Variants in ATP1A1 observed in about 807,000 individuals in gnomAD.
The protein encoded by ATP1A1 is sodium/potassium-transporting ATPase subunit alpha-1.
ATP1A1 carries 14 observed loss-of-function variants against 114.8 expected under a neutral mutation model. That is an observed-to-expected ratio of 0.12 (90% CI 0.08 to 0.19). The LOEUF (loss-of-function observed/expected upper bound fraction) is 0.19. Among genes scored for constraint, ATP1A1 ranks in the 10% least tolerant of loss-of-function variants. The pLI is 1.00. For synonymous variants in ATP1A1, 471 were observed against 466.3 expected (o/e 1.01, Z -0.13); for missense variants, 524 against 1,290.7 (o/e 0.41, Z 9.10).
chr1:116,391,870 G>T (rs1410892243), intron 10 of ATP1A1, among the ~76,000 whole-genome samples: 1 of 152,216 alleles, frequency 6.6e-6, no homozygotes, highest in Non-Finnish European at 1.5e-5. Flanking sequence ...AGCAGAAGCT[G>T]TATTCCAAGT....
At chr1:116,378,116 A>T (rs748415772) in intron 1 of ATP1A1, among the ~76,000 whole-genome samples, 1 of 152,228 alleles carries the variant, frequency 6.6e-6, no homozygotes, top group African/African-American at 2.4e-5. Flanking sequence ...TCAGGAATCC[A>T]CAAGAAGTTC....
At chr1:116,394,944 T>G (rs1456357306) in intron 12 of ATP1A1, among the ~76,000 whole-genome samples, 166 bp from the exon 13 acceptor site, 1 of 152,232 alleles carries the variant, frequency 6.6e-6, no homozygotes, top group African/African-American at 2.4e-5. Context: ...GACTCTATCG[T>G]TCATAAATGT....
chr1:116,390,735 T>A (rs747786900), intron 9 of ATP1A1, 47 bp from the exon 10 acceptor site: 8 of 1,470,066 alleles, frequency 5.4e-6, no homozygotes, highest in Non-Finnish European at 7.6e-6. Flanking sequence ...ACACAGCCTT[T>A]GAAGTTAATG....
intron 1 of ATP1A1, chr1:116,373,938 C>T (rs992587877): frequency 1.5e-6 from 2 of 1,334,954 alleles, no homozygotes; most frequent in South Asian, 3.8e-5. Flanking sequence ...CCGCCGTCAC[C>T]TCCTTCTCCT....
rs1174843902 is a variant in ATP1A1, at chr1:116,398,139, G to A, written c.2124+101G>A. On this transcript the variant is annotated intron_variant, in intron 15 of 22. Coordinates refer to ENST00000295598, the MANE Select transcript of ATP1A1 (RefSeq NM_000701.8). This position sits in a 1 kb window ranked among gnomAD's most constrained non-coding sequence, Gnocchi z 6.1. Reference sequence around the variant, plus strand: ...ACGGTGATGGATGGATGCATACCTCGCTGTATTAGACTCAGTATAAATAGG... The same window carrying A: ...ACGGTGATGGATGGATGCATACCTCACTGTATTAGACTCAGTATAAATAGG... The A allele has an allele frequency of 1.5e-5, 22 of 1,473,146 alleles. No homozygotes were observed. Among genetic ancestry groups the A allele is most frequent in the South Asian group, 2.6e-5 (2 of 77,778 alleles). 91.3% of individuals were successfully genotyped at this position (1,473,146 alleles called of 1,614,324 possible). A position where few individuals can be genotyped will look rare whatever the true frequency, so the allele number is the denominator to read the frequency against.
In ATP1A1 at chr1:116,395,564, TTG is replaced by T. The variant is rs1408778617; in HGVS notation, c.1836+280_1836+281del. Among the ~76,000 whole-genome samples, 2 of 152,250 alleles carry T rather than the reference TTG, an allele frequency of 1.3e-5. No individual in the cohort carries two copies. Among genetic ancestry groups the T allele is most frequent in the African/African-American group, 4.8e-5 (2 of 41,472 alleles). ...CAAAAGACTTGAAGTTTTAAAATACTTGCATTATTCTAAGTTAATGTACCTTA... is the reference window on the plus strand; with the variant it reads ...CAAAAGACTTGAAGTTTTAAAATACTCATTATTCTAAGTTAATGTACCTTA... On this transcript the variant is annotated intron_variant, in intron 13 of 22. Coordinates refer to ENST00000295598, the MANE Select transcript of ATP1A1 (RefSeq NM_000701.8). The surrounding 1 kb of genome is among the most constrained non-coding windows in gnomAD (Gnocchi z 6.4).
rs749933570 is a variant in ATP1A1, at chr1:116,404,451, G to A, written c.*7G>A. On this transcript the variant is annotated 3_prime_UTR_variant, in exon 23 of 23. Coordinates refer to ENST00000295598, the MANE Select transcript of ATP1A1 (RefSeq NM_000701.8). The surrounding 1 kb of genome is among the most constrained non-coding windows in gnomAD (Gnocchi z 4.8). ...GAAGGAAACCTACTATTAGCCCCCC[G>A]TCCTGCACGCCGTGGAGCATCAGGC... The A allele has an allele frequency of 7.2e-5, 116 of 1,609,184 alleles. 1 individual carries two copies. In the Middle Eastern group the frequency reaches 9.9e-4, roughly 14 times the overall value.
At chr1:116,374,739 C>T (rs552022733) in intron 1 of ATP1A1, among the ~76,000 whole-genome samples, 2 of 152,236 alleles carry the variant, frequency 1.3e-5, no homozygotes, top group East Asian at 1.9e-4. Context: ...GGAGAGAATC[C>T]ACTTCGTTGT....
intron 1 of ATP1A1, 152 bp downstream of exon 1, chr1:116,373,675 G>T: frequency 9.8e-7 from 1 of 1,019,970 alleles, no homozygotes; most frequent in Non-Finnish European, 1.3e-6. Context: ...CTTAAAAGAC[G>T]ACGCAGTTTG....
chr1:116,384,150 T>C lies in ATP1A1; in HGVS notation c.123+26T>C. Reference sequence around the variant, plus strand: ...GTAAGTACTAGGAGGAATATTGTATTCCATCCTTATTAAAAATCCATGATT... The same window carrying C: ...GTAAGTACTAGGAGGAATATTGTATCCCATCCTTATTAAAAATCCATGATT... On this transcript the variant is annotated intron_variant, in intron 2 of 22. Coordinates refer to ENST00000295598, the MANE Select transcript of ATP1A1 (RefSeq NM_000701.8). This position sits in a 1 kb window ranked among gnomAD's most constrained non-coding sequence, Gnocchi z 5.1. 6.4e-7 allele frequency: 1 copy of C among 1,573,740 alleles called. No individual in the cohort carries two copies. The highest frequency in any genetic ancestry group is 1.1e-5 in the South Asian group (1 of 89,588).
In ATP1A1 at chr1:116,393,184, G is replaced by A. The variant is rs1304979501; in HGVS notation, c.1467+196G>A. ...TAAATGAAGCCTCTTGCAAAACACT[G>A]TTGAGCCCTTTTGAATACTTGTGGT... On this transcript the variant is annotated intron_variant, in intron 11 of 22. Transcript: ENST00000295598. This position sits in a 1 kb window ranked among gnomAD's most constrained non-coding sequence, Gnocchi z 5.0. Among the ~76,000 whole-genome samples the A allele has an allele frequency of 1.3e-5, 2 of 152,144 alleles. No individual in the cohort carries two copies. The highest frequency in any genetic ancestry group is 2.9e-5 in the Non-Finnish European group (2 of 68,034).
At chr1:116,378,157 A>AT (rs2101031128) in intron 1 of ATP1A1, among the ~76,000 whole-genome samples, 1 of 152,334 alleles carries the variant, frequency 6.6e-6, no homozygotes, top group African/African-American at 2.4e-5. Flanking sequence ...CGGATAGCAG[A>AT]TTCTGTTACG....
Position 116,388,790 on chromosome 1 carries a change from A to G in ATP1A1, c.636+18A>G, listed in dbSNP as rs1265026998. 11 of 1,613,786 alleles carry G rather than the reference A, an allele frequency of 6.8e-6. No individual in the cohort carries two copies. The highest frequency in any genetic ancestry group is 7.6e-6 in the Non-Finnish European group (9 of 1,179,898). On this transcript the variant is annotated intron_variant, in intron 6 of 22. Coordinates refer to ENST00000295598, the MANE Select transcript of ATP1A1 (RefSeq NM_000701.8). The surrounding 1 kb of genome is among the most constrained non-coding windows in gnomAD (Gnocchi z 5.6). The stretch of plus-strand genomic sequence containing the variant: ...GCTGCAAGGTAGCTCTTTTATTTTA[A>G]CAAACCTCATAGCTAGCTCTGCTGT...
At chr1:116,373,936 A>ACCT (rs1483756170) in intron 1 of ATP1A1, 5 of 1,292,374 alleles carry the variant, frequency 3.9e-6, no homozygotes, top group East Asian at 3.3e-5. Context: ...GACCGCCGTC[A>ACCT]CCTCCTTCTC....
chr1:116,390,917 G>A, intron 10 of ATP1A1, 26 bp downstream of exon 10: 1 of 1,586,272 alleles, frequency 6.3e-7, no homozygotes, highest in Non-Finnish European at 8.7e-7. Flanking sequence ...AACTAATGGA[G>A]GGATGTAGAC....
Position 116,388,837 on chromosome 1 carries a change from G to C in ATP1A1, c.636+65G>C, listed in dbSNP as rs1652265896. 3 of 1,613,074 alleles carry C rather than the reference G, an allele frequency of 1.9e-6. No individual in the cohort carries two copies. Among genetic ancestry groups the C allele is most frequent in the African/African-American group, 2.7e-5 (2 of 74,820 alleles). ...CTGTTCGGGCAGCTTGATTTGAGGGGTACAGTAGCCCATGATAAGGCTGGT... is the reference window on the plus strand; with the variant it reads ...CTGTTCGGGCAGCTTGATTTGAGGGCTACAGTAGCCCATGATAAGGCTGGT... On this transcript the variant is annotated intron_variant, in intron 6 of 22. Transcript: ENST00000295598. This position sits in a 1 kb window ranked among gnomAD's most constrained non-coding sequence, Gnocchi z 5.6.
chr1:116,374,247 C>G (rs1557776528), intron 1 of ATP1A1: 1 of 1,551,704 alleles, frequency 6.4e-7, no homozygotes, highest in Admixed American at 2.0e-5. Context: ...TTAAGGTATA[C>G]TTTTGAGGGC....
Position 116,401,191 on chromosome 1 carries a change from T to C in ATP1A1, c.2780T>C (p.Val927Ala). 1 of 1,614,148 alleles carries C rather than the reference T, an allele frequency of 6.2e-7. No individual in the cohort carries two copies. Among genetic ancestry groups the C allele is most frequent in the Non-Finnish European group, 8.5e-7 (1 of 1,180,010 alleles). Residue 927 changes from valine (V) to alanine (A), a missense_variant, in exon 20 of 23, where the codon GTG becomes GCG. Around this residue, in one of 8 missense-constraint regions of ATP1A1, gnomAD observed 84 missense variants for 209.3 expected, o/e 0.40. Transcript: ENST00000295598. The surrounding 1 kb of genome is among the most constrained non-coding windows in gnomAD (Gnocchi z 4.7). ...CACACAGCCTTCTTCGTCAGTATCG[T>C]GGTGGTGCAGTGGGCCGACTTGGTC... The part of the protein sequence containing the change: ...TCHTAFFVSI[V>A]VVQWADLVIC...
rs1652993165 is a variant in ATP1A1 at position 116,397,102 on chromosome 1, CCTAGCATCTTGACA to C, written c.1973+371_1973+384del. 6.6e-6 allele frequency among the ~76,000 whole-genome samples: 1 copy of C among 152,124 alleles called. No individual in the cohort carries two copies. The highest frequency in any genetic ancestry group is 2.4e-5 in the African/African-American group (1 of 41,410). On this transcript the variant is annotated intron_variant, in intron 14 of 22. Transcript: ENST00000295598. This position sits in a 1 kb window ranked among gnomAD's most constrained non-coding sequence, Gnocchi z 4.2. ...AACCACTGAGCTCTACTGCCTAGCA[CCTAGCATCTTGACA>C]CTTTCCAGGTCCACACTAACAAAAT...
Sources: gnomAD v4.1 joint callset for allele counts (sites outside exome capture counted in the v4.1 genomes callset) on GRCh38, gnomAD v4.1.1 for gene constraint, gnomAD v4.1.1 regional missense constraint, Gnocchi (gnomAD v3.1) non-coding constraint, MANE v1.5 for transcripts, NCBI Gene and HGNC (gene_info 2026-07-23, HGNC 2026-07-21) for gene names.